The following NUS1 variants were observed in gnomAD, a reference collection of about 807,000 sequenced individuals.
NUS1 encodes the protein dehydrodolichyl diphosphate synthase complex subunit NUS1.
For synonymous variants in NUS1, 135 were observed against 155.2 expected, an observed-to-expected ratio of 0.87 and a Z score of 0.97; for missense variants, 292 against 382.9, an observed-to-expected ratio of 0.76 and a Z score of 1.98.
intron 4 of NUS1, among the ~76,000 whole-genome samples, chr6:117,706,018 C>T (rs1773495002): frequency 6.6e-6 from 1 of 152,072 alleles, no homozygotes; most frequent in African/African-American, 2.4e-5. Context: ...TTTTGTGGTG[C>T]ATGTGACTGT....
intron 1 of NUS1, among the ~76,000 whole-genome samples, chr6:117,681,171 C>G (rs1011102108): frequency 6.6e-6 from 1 of 152,212 alleles, no homozygotes; most frequent in Non-Finnish European, 1.5e-5. Context: ...ACTATTCACT[C>G]CGTTCCCTAT....
chr6:117,706,812 A>G, intron 4 of NUS1, 113 bp from the exon 5 acceptor site: 1 of 774,148 alleles, frequency 1.3e-6, no homozygotes, highest in Non-Finnish European at 2.3e-6. Context: ...TGTCTGGTGG[A>G]GGATAATTTG....
intron 3 of NUS1, among the ~76,000 whole-genome samples, chr6:117,701,771 T>C (rs1773413965): frequency 1.3e-5 from 2 of 152,168 alleles, no homozygotes; most frequent in Non-Finnish European, 2.9e-5. Flanking sequence ...TAGCTCTTTT[T>C]GTAGAGACTT....
chr6:117,701,601 T>C (rs929923333), intron 3 of NUS1, among the ~76,000 whole-genome samples: 1 of 152,210 alleles, frequency 6.6e-6, no homozygotes, highest in African/African-American at 2.4e-5. Flanking sequence ...TTTCTACTTC[T>C]TTTGTTAAAT....
At chr6:117,696,567 A>G (rs934686978) in intron 3 of NUS1, among the ~76,000 whole-genome samples, 1 of 152,186 alleles carries the variant, frequency 6.6e-6, no homozygotes, top group African/African-American at 2.4e-5. Context: ...CATATCTGGC[A>G]GCAGACTTTT....
At chr6:117,677,243 G>A (rs1772997824) in intron 1 of NUS1, among the ~76,000 whole-genome samples, 1 of 152,162 alleles carries the variant, frequency 6.6e-6, no homozygotes, top group Middle Eastern at 3.2e-3. Context: ...ATTTGACATG[G>A]TTAATAACAA....
intron 3 of NUS1, among the ~76,000 whole-genome samples, chr6:117,695,214 A>G (rs986713985): frequency 1.1e-3 from 161 of 151,452 alleles, no homozygotes; most frequent in Non-Finnish European, 2.0e-3. Context: ...AAAAAAAAAA[A>G]AAAAAAAGAA....
intron 1 of NUS1, among the ~76,000 whole-genome samples, chr6:117,691,197 T>A (rs1031329438): frequency 6.6e-5 from 10 of 152,176 alleles, no homozygotes; most frequent in South Asian, 2.1e-4. Context: ...AGATTAATTC[T>A]TCTAAATATG....
At chr6:117,684,807 A>T (rs1299724040) in intron 1 of NUS1, among the ~76,000 whole-genome samples, 4 of 152,226 alleles carry the variant, frequency 2.6e-5, no homozygotes, top group Non-Finnish European at 5.9e-5. Flanking sequence ...TAAGAACTGA[A>T]AAAAACAGCA....
intron 1 of NUS1, among the ~76,000 whole-genome samples, chr6:117,686,457 G>A (rs1773142425): frequency 6.6e-6 from 1 of 152,082 alleles, no homozygotes; most frequent in Non-Finnish European, 1.5e-5. Context: ...TGGATTTCAG[G>A]CCAAATTCTT....
chr6:117,700,723 A>G (rs1343446367), intron 3 of NUS1, among the ~76,000 whole-genome samples: 2 of 152,328 alleles, frequency 1.3e-5, no homozygotes, highest in East Asian at 1.9e-4. Context: ...CCATCAGCAG[A>G]TGAATCGATA....
intron 3 of NUS1, among the ~76,000 whole-genome samples, chr6:117,700,074 A>G (rs995000818): frequency 1.8e-4 from 27 of 152,192 alleles, no homozygotes; most frequent in African/African-American, 6.5e-4. Flanking sequence ...ACACTGGGGA[A>G]GCTCTCTAGG....
rs1337463009 is a variant in NUS1 at position 117,675,834 on chromosome 6, C to T, written c.164C>T (p.Thr55Met). 2 of 1,545,292 alleles carry T rather than the reference C, an allele frequency of 1.3e-6. No homozygotes were observed. Among genetic ancestry groups the T allele is most frequent in the South Asian group, 1.2e-5 (1 of 83,902 alleles). ...SAAVLAPLGFTLRKPPAVGRN... is the reference protein window; with the variant it reads ...SAAVLAPLGFMLRKPPAVGRN... ...GCGGTCCTAGCGCCGCTCGGCTTCACGCTCCGCAAGCCCCCGGCAGTCGGC... is the reference window on the plus strand; with the variant it reads ...GCGGTCCTAGCGCCGCTCGGCTTCATGCTCCGCAAGCCCCCGGCAGTCGGC... Residue 55 changes from threonine (T) to methionine (M), a missense_variant, in exon 1 of 5, where the codon ACG (threonine) becomes ATG (methionine). Transcript: ENST00000368494.
intron 3 of NUS1, among the ~76,000 whole-genome samples, chr6:117,697,164 A>C (rs546053229): frequency 2.2e-4 from 34 of 152,224 alleles, no homozygotes; most frequent in African/African-American, 7.5e-4. Flanking sequence ...TACAAGAGAT[A>C]CACAAAAAAA....
chr6:117,707,311 A>G lies in NUS1; in HGVS notation c.*296A>G, dbSNP rs933255217. On this transcript the variant is annotated 3_prime_UTR_variant, in exon 5 of 5. Coordinates refer to ENST00000368494, the MANE Select transcript of NUS1 (RefSeq NM_138459.5). ...ATAGCAGTGATGTTTTAGGAACTGA[A>G]ATGTCACACTTAAAGTCTTCAGCCC... 1.3e-5 allele frequency: 4 copies of G among 304,268 alleles called. No homozygotes were observed. The highest frequency in any genetic ancestry group is 2.6e-5 in the Non-Finnish European group (4 of 156,596). The allele number at this position is 304,268 out of a possible 1,614,324, so 18.8% of individuals were successfully genotyped here.
intron 3 of NUS1, among the ~76,000 whole-genome samples, chr6:117,699,660 T>A (rs1773374138): frequency 6.6e-6 from 1 of 152,016 alleles, no homozygotes; most frequent in Non-Finnish European, 1.5e-5. Context: ...ATCCGAAAAT[T>A]TATATGGAAT....
intron 4 of NUS1, among the ~76,000 whole-genome samples, chr6:117,706,427 C>T (rs780995237): frequency 6.6e-6 from 1 of 152,212 alleles, no homozygotes; most frequent in Non-Finnish European, 1.5e-5. Context: ...ATCCTTTATA[C>T]ATAGATCTCT....
Position 117,694,191 on chromosome 6 carries a change from T to TA in NUS1, c.691+11_691+12insA, listed in dbSNP as rs1773283899. 6 of 1,492,160 alleles carry TA rather than the reference T, an allele frequency of 4.0e-6. No homozygotes were observed. Among genetic ancestry groups the TA allele is most frequent in the South Asian group, 1.2e-5 (1 of 81,522 alleles). The allele number at this position is 1,492,160 out of a possible 1,614,324, so 92.4% of individuals were successfully genotyped here. A position where few individuals can be genotyped will look rare whatever the true frequency, so the allele number is the denominator to read the frequency against. On this transcript the variant is annotated intron_variant, in intron 3 of 4. Transcript: ENST00000368494. ...TAGCCAGTTTACTTAGTAAGTTTTT[T>TA]TATATATATATACATATATATGTAT...
At chr6:117,693,466 T>A (rs1209193359) in intron 2 of NUS1, among the ~76,000 whole-genome samples, 1 of 152,192 alleles carries the variant, frequency 6.6e-6, no homozygotes, top group Non-Finnish European at 1.5e-5. Flanking sequence ...CTGGTTGTTC[T>A]ATGGAGTGAG....
Sources: allele counts gnomAD v4.1 joint callset (sites outside exome capture counted in the v4.1 genomes callset), GRCh38; gene constraint gnomAD v4.1.1; transcripts MANE v1.5; gene names NCBI Gene and HGNC (gene_info 2026-07-23, HGNC 2026-07-21).